Variants in RBM20 observed in about 807,000 individuals in gnomAD.
The protein encoded by RBM20 is RNA binding motif protein 20, also known as RNA-binding protein 20.
In RBM20, 51 loss-of-function variants were observed where a neutral mutation model predicts 110.1. The ratio of observed to expected loss-of-function variants is 0.46; its 90% confidence interval spans 0.37 to 0.59. RBM20 has a LOEUF of 0.59. Ranked by LOEUF, RBM20 falls within the 20% of genes least tolerant of loss-of-function variation. The pLI, the probability that RBM20 is intolerant of heterozygous loss-of-function variation, is 0.00. For missense variants in RBM20, 1,512 were observed against 1,574.9 expected (o/e 0.96, Z 0.68); for synonymous variants, 589 against 618.2 (o/e 0.95, Z 0.70).
intron 7 of RBM20, among the ~76,000 whole-genome samples, chr10:110,801,931 A>T (rs1245993438): frequency 6.6e-6 from 1 of 151,626 alleles, no homozygotes; most frequent in Non-Finnish European, 1.5e-5. Flanking sequence ...TTCCATCTGG[A>T]TCTTCTCTGA....
rs1844781627 is a variant in RBM20 at position 110,812,442 on chromosome 10, C to T, written c.2045C>T (p.Ala682Val). 1 of 1,551,570 alleles carries T rather than the reference C, an allele frequency of 6.4e-7. No individual in the cohort carries two copies. The highest frequency in any genetic ancestry group is 8.7e-7 in the Non-Finnish European group (1 of 1,146,996). Residue 682 changes from alanine to valine, a missense_variant, in exon 9 of 14, where the codon GCC becomes GTC. Physicochemically the swap from Ala to Val is moderately conservative, Grantham distance 64. Transcript: ENST00000369519. ...GRDSWEHSPYARREEERDPAP... is the reference protein window; with the variant it reads ...GRDSWEHSPYVRREEERDPAP... Reference sequence around the variant, plus strand: ...GACTCCTGGGAGCACTCTCCCTATGCCAGGAGGGAGGAAGAGCGAGACCCG... The same window carrying T: ...GACTCCTGGGAGCACTCTCCCTATGTCAGGAGGGAGGAAGAGCGAGACCCG...
intron 9 of RBM20, among the ~76,000 whole-genome samples, chr10:110,815,990 G>T (rs765520639): frequency 8.5e-5 from 13 of 152,132 alleles, no homozygotes; most frequent in Non-Finnish European, 1.8e-4. Flanking sequence ...CTCAAACTCT[G>T]TATGATGAAC....
intron 1 of RBM20, among the ~76,000 whole-genome samples, chr10:110,674,559 T>C (rs1051321872): frequency 7.9e-5 from 12 of 152,242 alleles, no homozygotes; most frequent in Non-Finnish European, 1.5e-4. Context: ...CTCCCAAGTC[T>C]TGTAGATCAC....
Position 110,798,067 on chromosome 10 carries a change from T to C in RBM20, c.1668+419T>C, listed in dbSNP as rs1390912693. ...CCAGCCAAGAACTTGGGACTAGGTA[T>C]TTTTCCTGGTCCTTGATGTCAGCAG... On this transcript the variant is annotated intron_variant, in intron 6 of 13. Coordinates refer to ENST00000369519, the MANE Select transcript of RBM20 (RefSeq NM_001134363.3). Among the ~76,000 whole-genome samples the C allele has an allele frequency of 6.6e-5, 10 of 152,176 alleles. 1 individual carries two copies. The highest frequency in any genetic ancestry group is 2.9e-5 in the Non-Finnish European group (2 of 68,034).
At chr10:110,774,695 T>TTGTTC (rs1844238435) in intron 1 of RBM20, among the ~76,000 whole-genome samples, 1 of 152,190 alleles carries the variant, frequency 6.6e-6, no homozygotes, top group Admixed American at 6.5e-5. Flanking sequence ...TTTGTTTGTT[T>TTGTTC]TGTTTTGTTT....
chr10:110,799,990 A>G (rs1844602107), intron 7 of RBM20, 72 bp downstream of exon 7: 2 of 1,379,038 alleles, frequency 1.5e-6, no homozygotes, highest in African/African-American at 1.4e-5. Flanking sequence ...TTAGGCACTG[A>G]CCTAAACGCT....
chr10:110,737,578 G>A (rs774995261), intron 1 of RBM20, among the ~76,000 whole-genome samples: 9 of 150,934 alleles, frequency 6.0e-5, no homozygotes, highest in African/African-American at 1.7e-4. Flanking sequence ...AGCCTCTGAC[G>A]ATCTTTAACA....
intron 13 of RBM20, among the ~76,000 whole-genome samples, chr10:110,833,696 C>T (rs11195347): frequency 0.16 from 24,952 of 152,156 alleles, 2,187 homozygotes; most frequent in East Asian, 0.23. Context: ...CTCTGGGCCA[C>T]GCCCCCAGGC....
rs1013457834 is a variant in RBM20, at chr10:110,762,131, A to G, written c.192-18670A>G. Among the ~76,000 whole-genome samples the G allele has an allele frequency of 3.9e-5, 6 of 152,238 alleles. No individual in the cohort carries two copies. The East Asian group carries it at 1.2e-3, about 29-fold the overall frequency. On this transcript the variant is annotated intron_variant, in intron 1 of 13. Transcript: ENST00000369519. Reference sequence around the variant, plus strand: ...CAAACATTGTTTCAAATAACCACATACTAGGCTTTGACACTTTAGGTGAGG... The same window carrying G: ...CAAACATTGTTTCAAATAACCACATGCTAGGCTTTGACACTTTAGGTGAGG...
Position 110,791,875 on chromosome 10 carries a change from C to T in RBM20, c.1528-5633C>T, listed in dbSNP as rs1181491176. On this transcript the variant is annotated intron_variant, in intron 5 of 13. Transcript: ENST00000369519. ...CTTAGCTCTCTTAGAGATGTGACCT[C>T]TGCTGGAAAGTTTTCAGTGCACCTG... 2.1e-5 allele frequency among the ~76,000 whole-genome samples: 3 copies of T among 146,238 alleles called. No individual in the cohort carries two copies. The Admixed American group carries it at 2.1e-4, about 10-fold the overall frequency.
chr10:110,727,757 G>A (rs1240229387), intron 1 of RBM20, among the ~76,000 whole-genome samples: 1 of 152,138 alleles, frequency 6.6e-6, no homozygotes, highest in African/African-American at 2.4e-5. Context: ...TAGGTTTTAA[G>A]CCCTGCATGC....
intron 1 of RBM20, among the ~76,000 whole-genome samples, chr10:110,742,887 A>T (rs1843737939): frequency 6.6e-6 from 1 of 152,182 alleles, no homozygotes; most frequent in African/African-American, 2.4e-5. Context: ...CTTCTTCAAC[A>T]GTGTGCCTCA....
At chr10:110,765,022 C>T (rs1175123641) in intron 1 of RBM20, among the ~76,000 whole-genome samples, 2 of 152,208 alleles carry the variant, frequency 1.3e-5, no homozygotes, top group South Asian at 2.1e-4. Flanking sequence ...TGATTCACAA[C>T]GGCAGTTTAA....
chr10:110,713,198 T>A (rs1236753721), intron 1 of RBM20, among the ~76,000 whole-genome samples: 1 of 152,184 alleles, frequency 6.6e-6, no homozygotes, highest in East Asian at 1.9e-4. Context: ...ATGGAAAATA[T>A]ATGGAAAGAA....
intron 7 of RBM20, among the ~76,000 whole-genome samples, chr10:110,806,929 T>G (rs1356548604): frequency 2.0e-5 from 3 of 152,176 alleles, no homozygotes; most frequent in Non-Finnish European, 4.4e-5. Flanking sequence ...CCGAAGTCAA[T>G]TCTCTTATTT....
intron 1 of RBM20, among the ~76,000 whole-genome samples, chr10:110,735,112 A>G (rs979223412): frequency 2.0e-5 from 3 of 152,198 alleles, no homozygotes; most frequent in African/African-American, 7.2e-5. Context: ...CCTTGATAAC[A>G]ATCCCAAAGC....
rs762627976 is a variant in RBM20 at position 110,831,550 on chromosome 10, A to G, written c.3573+368A>G. 34 of 161,514 alleles carry G rather than the reference A, an allele frequency of 2.1e-4. 1 individual carries two copies. Among genetic ancestry groups the G allele is most frequent in the South Asian group, 5.7e-4 (3 of 5,268 alleles). The allele number at this position is 161,514 out of a possible 1,614,324, so 10.0% of individuals were successfully genotyped here. On this transcript the variant is annotated intron_variant, in intron 13 of 13. Transcript: ENST00000369519. The stretch of plus-strand genomic sequence containing the variant: ...CTCCCTCTATACTGTGAGTAACTCA[A>G]GTTAGGCCAGTGTTCCTCTGGCCTG...
intron 2 of RBM20, among the ~76,000 whole-genome samples, chr10:110,783,045 G>C (rs1405330959): frequency 6.6e-6 from 1 of 152,178 alleles, no homozygotes; most frequent in African/African-American, 2.4e-5. Flanking sequence ...AAGGAGAAGG[G>C]GTGGGAGGTG....
rs1844748544 is a variant in RBM20, at chr10:110,810,365, T to C, written c.1801-18T>C. The C allele has an allele frequency of 6.5e-7, 1 of 1,545,164 alleles. No individual in the cohort carries two copies. The highest frequency in any genetic ancestry group is 8.8e-7 in the Non-Finnish European group (1 of 1,141,262). ...AAGGCCATCTCTGATCTGATGGTGA[T>C]CTCTCTGACTTTGCTAGAAACCCGG... is the stretch of plus-strand genomic sequence containing the variant. On this transcript the variant is annotated intron_variant, in intron 7 of 13. Transcript: ENST00000369519.
Sources: allele counts gnomAD v4.1 joint callset (sites outside exome capture counted in the v4.1 genomes callset), GRCh38; gene constraint gnomAD v4.1.1; transcripts MANE v1.5; gene names NCBI Gene and HGNC (gene_info 2026-07-23, HGNC 2026-07-21).